The following MYO16 variants were observed in gnomAD, a reference collection of about 807,000 sequenced individuals.
The protein encoded by MYO16 is unconventional myosin-XVI.
Under a neutral mutation model 205.3 loss-of-function variants are expected in MYO16, and 94 were observed. That is an observed-to-expected ratio of 0.46 (90% CI 0.39 to 0.54). The LOEUF is 0.54. Ranked by LOEUF, MYO16 falls within the 20% of genes least tolerant of loss-of-function variation. MYO16 has a pLI of 0.00. For missense variants in MYO16, 2,315 were observed against 2,387.5 expected (o/e 0.97, Z 0.63); for synonymous variants, 988 against 954.0 (o/e 1.04, Z -0.66).
intron 6 of MYO16, among the ~76,000 whole-genome samples, chr13:108,806,410 T>C (rs1011951956): frequency 6.6e-6 from 1 of 152,190 alleles, no homozygotes; most frequent in African/African-American, 2.4e-5. Context: ...TGCATTGAAA[T>C]GGAACTCGGA....
the MYO16 span, among the ~76,000 whole-genome samples, chr13:108,510,031 A>G: frequency 2.0e-5 from 3 of 152,194 alleles, no homozygotes. Context: ...ACCTGAAATA[A>G]TCCCCAATAT....
At chr13:108,533,087 A>C in the MYO16 span, among the ~76,000 whole-genome samples, 2 of 152,198 alleles carry the variant, frequency 1.3e-5, no homozygotes, top group African/African-American at 4.8e-5. Flanking sequence ...ATTATGAAGC[A>C]TGGTTACTGG....
intron 2 of MYO16, among the ~76,000 whole-genome samples, chr13:108,687,172 T>A (rs1157896820): frequency 6.6e-6 from 1 of 152,242 alleles, no homozygotes; most frequent in East Asian, 1.9e-4. Context: ...GGATTTATGT[T>A]AAGCATAAAT....
the MYO16 span, among the ~76,000 whole-genome samples, chr13:108,559,326 C>T: frequency 6.6e-6 from 1 of 152,052 alleles, no homozygotes; most frequent in East Asian, 1.9e-4. Context: ...ATGCATGGAG[C>T]AGGTTTTCCC....
At chr13:108,547,391 G>A in the MYO16 span, among the ~76,000 whole-genome samples, 2 of 152,136 alleles carry the variant, frequency 1.3e-5, no homozygotes, top group African/African-American at 4.8e-5. Context: ...CTTTCGTGAG[G>A]TTGGGTGGGG....
chr13:108,708,431 A>G (rs1334921798), intron 2 of MYO16, among the ~76,000 whole-genome samples: 1 of 152,188 alleles, frequency 6.6e-6, no homozygotes, highest in Admixed American at 6.5e-5. Context: ...CTTTGTTGTT[A>G]TTCATTGTAA....
At chr13:108,543,565 C>T in the MYO16 span, among the ~76,000 whole-genome samples, 1 of 145,694 alleles carries the variant, frequency 6.9e-6, no homozygotes, top group East Asian at 2.0e-4. Flanking sequence ...TGGCGTGAAC[C>T]CAGGAGGCGG....
chr13:108,693,408 C>T (rs1365205298), intron 2 of MYO16, among the ~76,000 whole-genome samples: 1 of 152,148 alleles, frequency 6.6e-6, no homozygotes, highest in African/African-American at 2.4e-5. Context: ...CTTCCTCTAG[C>T]TTTTGACAAC....
At chr13:108,710,351 G>T (rs1883672485) in intron 2 of MYO16, among the ~76,000 whole-genome samples, 1 of 152,088 alleles carries the variant, frequency 6.6e-6, no homozygotes, top group Non-Finnish European at 1.5e-5. Flanking sequence ...TTCTACTTTT[G>T]TTTGATAAAT....
intron 14 of MYO16, among the ~76,000 whole-genome samples, chr13:108,893,275 G>A (rs1004728271): frequency 6.6e-6 from 1 of 152,134 alleles, no homozygotes; most frequent in African/African-American, 2.4e-5. Flanking sequence ...AAATTAGAGG[G>A]TTTAGTGAAA....
At chr13:109,023,297 G>GAT (rs1886171254) in intron 23 of MYO16, among the ~76,000 whole-genome samples, 1 of 73,400 alleles carries the variant, frequency 1.4e-5, no homozygotes, top group South Asian at 5.2e-4. Flanking sequence ...ATATTATACA[G>GAT]ATATAAATAT....
intron 18 of MYO16, among the ~76,000 whole-genome samples, chr13:108,962,053 C>T (rs1436245310): frequency 2.6e-5 from 4 of 152,170 alleles, no homozygotes; most frequent in African/African-American, 9.7e-5. Flanking sequence ...GAAGTTGCCT[C>T]GTTAGTCGCT....
chr13:108,579,283 C>A, the MYO16 span, among the ~76,000 whole-genome samples: 1 of 152,032 alleles, frequency 6.6e-6, no homozygotes, highest in East Asian at 1.9e-4. Context: ...CTTGCAATAA[C>A]CTCAGTAACT....
intron 16 of MYO16, among the ~76,000 whole-genome samples, chr13:108,936,138 TTCC>T (rs1882475831): frequency 6.6e-6 from 1 of 150,810 alleles, no homozygotes; most frequent in Non-Finnish European, 1.5e-5. Context: ...CCTTCCTTCC[TTCC>T]TTCCTTCTTT....
rs761292500 is a variant in MYO16 at position 108,666,026 on chromosome 13, G to A, written c.169G>A (p.Glu57Lys). The change falls in exon 2 of 35, where the codon GAG becomes AAG. Residue 57 changes from glutamate (E) to lysine (K), a missense_variant. Glu to Lys is a moderately conservative substitution (Grantham distance 56). Coordinates refer to ENST00000457511, the MANE Select transcript of MYO16 (RefSeq NM_001198950.3). ...CEQIKAYYEREKAFQKQEGFL... is the reference protein window; with the variant it reads ...CEQIKAYYERKKAFQKQEGFL... ...GCAAATCAAAGCCTACTATGAGCGC[G>A]AGAAGGCTTTTCAGAAGCAGGAAGG... 7 of 1,614,140 alleles carry A rather than the reference G, an allele frequency of 4.3e-6. No individual in the cohort carries two copies. Among genetic ancestry groups the A allele is most frequent in the South Asian group, 1.1e-5 (1 of 91,078 alleles).
intron 22 of MYO16, among the ~76,000 whole-genome samples, chr13:109,011,412 A>G (rs1181513586): frequency 6.6e-6 from 1 of 150,794 alleles, no homozygotes; most frequent in Non-Finnish European, 1.5e-5. Context: ...TTGGCTGGCA[A>G]GGGAGTGATC....
intron 1 of MYO16, among the ~76,000 whole-genome samples, chr13:108,664,321 T>C (rs1881631108): frequency 6.6e-6 from 1 of 152,232 alleles, no homozygotes; most frequent in Non-Finnish European, 1.5e-5. Context: ...TAGAGAATCA[T>C]GGTGCTTTGG....
intron 32 of MYO16, among the ~76,000 whole-genome samples, chr13:109,150,816 T>C (rs1279200004): frequency 6.6e-6 from 1 of 152,256 alleles, no homozygotes; most frequent in Non-Finnish European, 1.5e-5. Context: ...CTACACTGGA[T>C]TGCAAATTAA....
chr13:108,962,058 G>A (rs1238310274), intron 18 of MYO16, among the ~76,000 whole-genome samples: 1 of 152,138 alleles, frequency 6.6e-6, no homozygotes, highest in Non-Finnish European at 1.5e-5. Context: ...TGCCTCGTTA[G>A]TCGCTCCCAG....
Sources: gnomAD v4.1 joint callset for allele counts (sites outside exome capture counted in the v4.1 genomes callset) on GRCh38, gnomAD v4.1.1 for gene constraint, MANE v1.5 for transcripts, NCBI Gene and HGNC (gene_info 2026-07-23, HGNC 2026-07-21) for gene names.